CR1L: variants seen among roughly 807,000 people sequenced by gnomAD.
The protein encoded by CR1L is complement C3b/C4b receptor 1 like.
Under a neutral mutation model 62.3 loss-of-function variants are expected in CR1L, and 59 were observed. That is an observed-to-expected ratio of 0.95 (90% CI 0.77 to 1.18). CR1L has a LOEUF of 1.18. CR1L is among the 50% of genes most tolerant of loss of function. CR1L has a pLI of 0.00. For synonymous variants in CR1L, 279 were observed against 248.7 expected (o/e 1.12, Z -1.15); for missense variants, 700 against 702.8 (o/e 1.00, Z 0.04).
At chr1:207,716,376 C>T (rs553387373) in intron 10 of CR1L, among the ~76,000 whole-genome samples, 72 of 152,192 alleles carry the variant, frequency 4.7e-4, no homozygotes, top group Non-Finnish European at 7.1e-4. Context: ...CCAAACCATC[C>T]GCTTAAATAA....
intron 7 of CR1L, among the ~76,000 whole-genome samples, chr1:207,698,302 T>C (rs930302519): frequency 6.6e-6 from 1 of 152,190 alleles, no homozygotes; most frequent in African/African-American, 2.4e-5. Context: ...AGTAAATTCT[T>C]TAAACCATCA....
intron 1 of CR1L, chr1:207,669,210 C>CA: frequency 2.7e-6 from 1 of 374,504 alleles, no homozygotes; most frequent in South Asian, 2.6e-5. Flanking sequence ...GCACCTGGGT[C>CA]AGCAAGGTGG....
intron 1 of CR1L, among the ~76,000 whole-genome samples, chr1:207,665,478 C>A (rs1432685104): frequency 6.6e-6 from 1 of 151,452 alleles, no homozygotes; most frequent in Non-Finnish European, 1.5e-5. Flanking sequence ...CTCACTGCAA[C>A]CTCCATCTCC....
chr1:207,718,583 G>T (rs1019094494), intron 11 of CR1L, among the ~76,000 whole-genome samples: 7 of 152,110 alleles, frequency 4.6e-5, no homozygotes, highest in Admixed American at 1.3e-4. Context: ...CACCACACCT[G>T]GCTAATTTTT....
At chr1:207,686,325 A>T (rs1663912120) in intron 4 of CR1L, among the ~76,000 whole-genome samples, 1 of 151,728 alleles carries the variant, frequency 6.6e-6, no homozygotes, top group East Asian at 2.0e-4. Context: ...GGATTAAAAC[A>T]TTTCACCATT....
chr1:207,706,041 AT>A (rs1558024100), intron 9 of CR1L, among the ~76,000 whole-genome samples: 5,505 of 145,506 alleles, frequency 0.038, 141 homozygotes, highest in South Asian at 0.085. Context: ...ATATATATAT[AT>A]ATAAAACACT....
intron 1 of CR1L, among the ~76,000 whole-genome samples, chr1:207,662,289 A>G (rs1663438206): frequency 6.6e-6 from 1 of 152,226 alleles, no homozygotes; most frequent in African/African-American, 2.4e-5. Context: ...TACACCAATC[A>G]GACGTAGATT....
At chr1:207,674,061 A>T (rs201814462) in intron 1 of CR1L, among the ~76,000 whole-genome samples, 1,825 of 152,346 alleles carry the variant, frequency 0.012, 19 homozygotes, top group Non-Finnish European at 0.019. Flanking sequence ...TAAAACATTT[A>T]AAACAATCGG....
At chr1:207,680,762 C>G (rs1422766960) in intron 3 of CR1L, among the ~76,000 whole-genome samples, 2 of 152,174 alleles carry the variant, frequency 1.3e-5, no homozygotes, top group Non-Finnish European at 2.9e-5. Flanking sequence ...ATAGTTAAAA[C>G]CAAATGGCGC....
chr1:207,708,101 G>A, intron 9 of CR1L, 77 bp from the exon 10 acceptor site: 1 of 1,526,180 alleles, frequency 6.6e-7, no homozygotes, highest in Admixed American at 1.7e-5. Context: ...TAATCCCTCT[G>A]GTTTGCCACA....
At position 207,694,540 on chromosome 1, in the gene CR1L, G is replaced by C. The variant is rs376402202; in HGVS notation, c.651G>C (p.Trp217Cys). The change falls in exon 5 of 12, where the codon TGG (tryptophan) becomes TGC (cysteine). Residue 217 changes from tryptophan (W) to cysteine (C), a missense_variant. Trp to Cys is a radical substitution (Grantham distance 215). Transcript: ENST00000508064. ...GCAAAGATGATCAAGTGGGCATCTG[G>C]AGTGGCCCAGCCCCTCAGTGCATTA... ...CTSKDDQVGI[W>C]SGPAPQCIIP... 14 of 1,612,754 alleles carry C rather than the reference G, an allele frequency of 8.7e-6. No homozygotes were observed. In the African/African-American group the frequency reaches 1.9e-4, roughly 22 times the overall value.
chr1:207,671,652 C>T (rs952913160), intron 1 of CR1L, among the ~76,000 whole-genome samples: 15 of 150,900 alleles, frequency 9.9e-5, no homozygotes, highest in Non-Finnish European at 8.8e-5. Context: ...CGGGGCCAGG[C>T]GCAGTGGCTC....
chr1:207,648,233 A>T (rs1663167230), intron 1 of CR1L, among the ~76,000 whole-genome samples: 1 of 150,736 alleles, frequency 6.6e-6, no homozygotes, highest in African/African-American at 2.5e-5. Flanking sequence ...AGAAAAAAAA[A>T]AAAAACCTGG....
At position 207,652,648 on chromosome 1, in the gene CR1L, G is replaced by A. The variant is rs964022308; in HGVS notation, c.97+7318G>A. ...ACAAGTAGATTATAAGTGTAAAAAAGGACACTTCTACGTACCTCCTCTTGC... is the reference window on the plus strand; with the variant it reads ...ACAAGTAGATTATAAGTGTAAAAAAAGACACTTCTACGTACCTCCTCTTGC... On this transcript the variant is annotated intron_variant, in intron 1 of 11. Transcript: ENST00000508064. The A allele has an allele frequency of 6.0e-6, 7 of 1,174,920 alleles. No individual in the cohort carries two copies. In the African/African-American group the frequency reaches 9.0e-5, roughly 15 times the overall value. 72.8% of individuals were successfully genotyped at this position (1,174,920 alleles called of 1,614,324 possible).
At position 207,708,349 on chromosome 1, in the gene CR1L, T is replaced by A; in HGVS notation, c.1414+86T>A. The A allele has an allele frequency of 2.0e-6, 3 of 1,508,058 alleles. No homozygotes were observed. In the South Asian group the frequency reaches 3.5e-5, roughly 18 times the overall value. 93.4% of individuals were successfully genotyped at this position (1,508,058 alleles called of 1,614,324 possible). ...AATTACAAAGAATGAATCTCATCCCTCTTGGAAATGGTATCCTTCTGATAT... is the reference window on the plus strand; with the variant it reads ...AATTACAAAGAATGAATCTCATCCCACTTGGAAATGGTATCCTTCTGATAT... On this transcript the variant is annotated intron_variant, in intron 10 of 11. Transcript: ENST00000508064.
chr1:207,661,946 TTTTC>T (rs1663431359), intron 1 of CR1L, among the ~76,000 whole-genome samples: 1 of 152,222 alleles, frequency 6.6e-6, no homozygotes, highest in Non-Finnish European at 1.5e-5. Context: ...TTGAAAATTC[TTTTC>T]TTTAAGAATG....
chr1:207,701,231 T>C (rs1049409387), intron 8 of CR1L, among the ~76,000 whole-genome samples: 2 of 152,222 alleles, frequency 1.3e-5, no homozygotes, highest in Non-Finnish European at 2.9e-5. Flanking sequence ...ACTTTATTGG[T>C]AGTAAATAAT....
At chr1:207,709,290 A>G (rs1223833232) in intron 10 of CR1L, 1 of 156,474 alleles carries the variant, frequency 6.4e-6, no homozygotes, top group Non-Finnish European at 1.4e-5. Flanking sequence ...TGTAGTCCCA[A>G]CTATTCGGGA....
At chr1:207,719,010 A>G (rs1047410435) in intron 11 of CR1L, among the ~76,000 whole-genome samples, 25 of 147,736 alleles carry the variant, frequency 1.7e-4, no homozygotes, top group African/African-American at 4.7e-4. Context: ...TCACAAGAAC[A>G]AAAAACCAAA....
Sources: allele counts gnomAD v4.1 joint callset (sites outside exome capture counted in the v4.1 genomes callset), GRCh38; gene constraint gnomAD v4.1.1; transcripts MANE v1.5; gene names NCBI Gene and HGNC (gene_info 2026-07-23, HGNC 2026-07-21).